SNX13: variants seen among roughly 807,000 people sequenced by gnomAD.
SNX13 encodes the protein sorting nexin-13.
A neutral mutation model predicts 133.6 loss-of-function variants in SNX13; 45 were observed. That is an observed-to-expected ratio of 0.34 (90% CI 0.27 to 0.43). SNX13 has a LOEUF of 0.43. Among genes scored for constraint, SNX13 ranks in the 20% least tolerant of loss-of-function variants. The pLI, the probability that SNX13 is intolerant of heterozygous loss-of-function variation, is 1.00. For missense variants in SNX13, 1,032 were observed against 1,145.1 expected (o/e 0.90, Z 1.43); for synonymous variants, 414 against 373.9 (o/e 1.11, Z -1.24).
At chr7:17,890,541 G>A in intron 4 of SNX13, 57 bp from the exon 5 acceptor site, 1 of 1,348,436 alleles carries the variant, frequency 7.4e-7, no homozygotes, top group Middle Eastern at 2.3e-4. Flanking sequence ...AAAAGTTACA[G>A]TGGTAAACTA....
At chr7:17,933,657 T>C (rs576360043) in intron 1 of SNX13, among the ~76,000 whole-genome samples, 1 of 152,018 alleles carries the variant, frequency 6.6e-6, no homozygotes, top group East Asian at 1.9e-4. Flanking sequence ...CTATTCCCTG[T>C]CTCCCCTGTA....
At chr7:17,854,112 G>T (rs1454252608) in intron 9 of SNX13, among the ~76,000 whole-genome samples, 1 of 152,140 alleles carries the variant, frequency 6.6e-6, no homozygotes, top group Non-Finnish European at 1.5e-5. Context: ...GAGTGTAAAA[G>T]ATTTTTTTTC....
chr7:17,905,341 T>C (rs946281472), intron 1 of SNX13, among the ~76,000 whole-genome samples: 1 of 152,182 alleles, frequency 6.6e-6, no homozygotes, highest in Non-Finnish European at 1.5e-5. Flanking sequence ...CAAAGATGAA[T>C]GAGGCAGTTT....
At chr7:17,896,324 T>A (rs1797205837) in intron 2 of SNX13, among the ~76,000 whole-genome samples, 1 of 152,132 alleles carries the variant, frequency 6.6e-6, no homozygotes, top group Non-Finnish European at 1.5e-5. Flanking sequence ...TTATGGAGAG[T>A]CCTTGACATA....
At chr7:17,927,081 ATT>A (rs922389926) in intron 1 of SNX13, among the ~76,000 whole-genome samples, 10 of 151,980 alleles carry the variant, frequency 6.6e-5, no homozygotes, top group Non-Finnish European at 1.3e-4. Context: ...CTTATGTCAA[ATT>A]TTTTGTTTTA....
At chr7:17,815,892 T>C (rs1786600308) in intron 19 of SNX13, among the ~76,000 whole-genome samples, 1 of 152,108 alleles carries the variant, frequency 6.6e-6, no homozygotes, top group South Asian at 2.1e-4. Flanking sequence ...AAAAAAAAAT[T>C]CAAATGTTTG....
chr7:17,853,996 C>T (rs1791570995), intron 9 of SNX13, among the ~76,000 whole-genome samples: 1 of 151,622 alleles, frequency 6.6e-6, no homozygotes, highest in South Asian at 2.1e-4. Flanking sequence ...TGGCAATACA[C>T]AGAATCCTAA....
chr7:17,818,123 T>C (rs1317268515), intron 18 of SNX13, among the ~76,000 whole-genome samples: 2 of 152,090 alleles, frequency 1.3e-5, no homozygotes, highest in Admixed American at 6.5e-5. Context: ...AACCCTACCA[T>C]CTACAAGCCA....
intron 25 of SNX13, chr7:17,795,877 G>A (rs1411757158): frequency 6.6e-6 from 1 of 151,618 alleles, no homozygotes; most frequent in Non-Finnish European, 1.5e-5. Flanking sequence ...ATCAGCAAAT[G>A]AAACGGTATA....
intron 12 of SNX13, among the ~76,000 whole-genome samples, chr7:17,841,595 C>G (rs894730426): frequency 6.6e-6 from 1 of 151,258 alleles, no homozygotes; most frequent in Non-Finnish European, 1.5e-5. Context: ...CACACACACC[C>G]CAAGGCATAC....
At chr7:17,828,573 T>A (rs977436169) in intron 16 of SNX13, among the ~76,000 whole-genome samples, 6 of 151,578 alleles carry the variant, frequency 4.0e-5, no homozygotes, top group Admixed American at 1.3e-4. Flanking sequence ...CGTGATCTAG[T>A]TTACAATCTT....
At chr7:17,795,326 T>G (rs1037915506) in intron 25 of SNX13, 1 of 151,636 alleles carries the variant, frequency 6.6e-6, no homozygotes, top group Non-Finnish European at 1.5e-5. Flanking sequence ...GAAAGAAACA[T>G]GCAATTTCCA....
At chr7:17,839,005 A>G (rs1562738241) in intron 13 of SNX13, among the ~76,000 whole-genome samples, 1 of 149,940 alleles carries the variant, frequency 6.7e-6, no homozygotes, top group Non-Finnish European at 1.5e-5. Context: ...ATATATTACA[A>G]TATTATTAGA....
Position 17,792,989 on chromosome 7 carries a change from T to C in SNX13, c.*1056A>G, listed in dbSNP as rs1363775065. ...CATATTTTTAAAAATATTATAGTTCTTTTTTCATCATTTATTTTCATATAT... is the reference window on the plus strand; with the variant it reads ...CATATTTTTAAAAATATTATAGTTCCTTTTTCATCATTTATTTTCATATAT... On this transcript the variant is annotated 3_prime_UTR_variant, in exon 26 of 26. Transcript: ENST00000428135. The C allele has an allele frequency of 2.6e-5, 4 of 152,284 alleles. No individual in the cohort carries two copies. The highest frequency in any genetic ancestry group is 5.9e-5 in the Non-Finnish European group (4 of 67,866). The allele number at this position is 152,284 out of a possible 1,614,324, so 9.4% of individuals were successfully genotyped here.
At chr7:17,862,596 G>T (rs1452107514) in intron 9 of SNX13, among the ~76,000 whole-genome samples, 1 of 151,990 alleles carries the variant, frequency 6.6e-6, no homozygotes, top group Non-Finnish European at 1.5e-5. Context: ...CAAAAGATAT[G>T]AACAATTTTT....
intron 17 of SNX13, 189 bp from the exon 18 acceptor site, chr7:17,821,837 A>T (rs937195071): frequency 1.5e-5 from 9 of 604,354 alleles, no homozygotes; most frequent in Admixed American, 9.8e-5. Flanking sequence ...CTCCATATTC[A>T]CATCCATAAG....
chr7:17,832,153 AC>A, intron 15 of SNX13: 1 of 984,318 alleles, frequency 1.0e-6, no homozygotes. Context: ...AAGCATATTT[AC>A]TTCAGATCAA....
rs758557228 is a variant in SNX13 at position 17,890,502 on chromosome 7, GA to G, written c.319-19del. The G allele has an allele frequency of 2.9e-5, 44 of 1,515,380 alleles. No individual in the cohort carries two copies. Among genetic ancestry groups the G allele is most frequent in the South Asian group, 5.2e-5 (4 of 76,836 alleles). 93.9% of individuals were successfully genotyped at this position (1,515,380 alleles called of 1,614,324 possible). On this transcript the variant is annotated intron_variant, in intron 4 of 25. Transcript: ENST00000428135. ...TGGATAACCTATAACAAAAATATTG[GA>G]AAAAAAATTACAACATTTTAGGATT...
chr7:17,837,557 CA>C, intron 13 of SNX13, among the ~76,000 whole-genome samples: 1 of 151,980 alleles, frequency 6.6e-6, no homozygotes, highest in Middle Eastern at 3.4e-3. Context: ...GTCCAAAAAC[CA>C]TATATATGGC....
Sources: gnomAD v4.1 joint callset for allele counts (sites outside exome capture counted in the v4.1 genomes callset) on GRCh38, gnomAD v4.1.1 for gene constraint, MANE v1.5 for transcripts, NCBI Gene and HGNC (gene_info 2026-07-23, HGNC 2026-07-21) for gene names.